WNT7B: variants seen among roughly 807,000 people sequenced by gnomAD.
WNT7B encodes the protein Wnt family member 7B, also known as protein Wnt-7b.
A neutral mutation model predicts 38.2 loss-of-function variants in WNT7B; 19 were observed. The ratio of observed to expected loss-of-function variants is 0.50; its 90% CI spans 0.35 to 0.73. WNT7B has a LOEUF of 0.73. WNT7B is among the 30% of genes least tolerant of loss of function. The pLI is 0.01. For synonymous variants in WNT7B, 243 were observed against 209.3 expected, an observed-to-expected ratio of 1.16 and a Z score of -1.39; for missense variants, 423 against 507.9, an observed-to-expected ratio of 0.83 and a Z score of 1.61.
chr22:45,951,837 A>C lies in WNT7B; in HGVS notation c.72-1691T>G, dbSNP rs1931940635. The stretch of plus-strand genomic sequence containing the variant: ...TTGGACTACTGTGAGTGATGCCGCC[A>C]TGAACGTGCGGGTAAGGTTTCTGTT... On this transcript the variant is annotated intron_variant, in intron 1 of 3. Coordinates refer to ENST00000339464, the MANE Select transcript of WNT7B (RefSeq NM_058238.3). The surrounding 1 kb of genome is among the most constrained non-coding windows in gnomAD (Gnocchi z 4.8). 6.6e-6 allele frequency among the ~76,000 whole-genome samples: 1 copy of C among 152,200 alleles called. No homozygotes were observed. The highest frequency in any genetic ancestry group is 6.5e-5 in the Admixed American group (1 of 15,290).
intron 2 of WNT7B, among the ~76,000 whole-genome samples, chr22:45,934,558 C>T (rs1931464234): frequency 6.6e-6 from 1 of 152,318 alleles, no homozygotes; most frequent in African/African-American, 2.4e-5. Flanking sequence ...TGACCCTCCT[C>T]TTCCTGCCCC....
rs1932465473 is a variant in WNT7B at position 45,972,326 on chromosome 22, G to A, written c.71+4358C>T. 6 of 439,088 alleles carry A rather than the reference G, an allele frequency of 1.4e-5. No homozygotes were observed. In the Admixed American group the frequency reaches 1.4e-4, roughly 10 times the overall value. 27.2% of individuals were successfully genotyped at this position (439,088 alleles called of 1,614,324 possible). ...GGCCGGGGTCCCCGCGGAGCTCCCCGATGCAGGGCGGCGGCGCTGGGCGCT... is the reference window on the plus strand; with the variant it reads ...GGCCGGGGTCCCCGCGGAGCTCCCCAATGCAGGGCGGCGGCGCTGGGCGCT... On this transcript the variant is annotated intron_variant, in intron 1 of 3. Coordinates refer to ENST00000339464, the MANE Select transcript of WNT7B (RefSeq NM_058238.3).
intron 1 of WNT7B, among the ~76,000 whole-genome samples, chr22:45,972,896 G>A (rs912151891): frequency 2.6e-5 from 4 of 152,254 alleles, no homozygotes; most frequent in African/African-American, 9.6e-5. Flanking sequence ...GCGGGAGCGT[G>A]GGCAGTCTGT....
chr22:45,934,040 G>A (rs926890484), intron 2 of WNT7B, among the ~76,000 whole-genome samples: 3 of 152,352 alleles, frequency 2.0e-5, no homozygotes, highest in African/African-American at 4.8e-5. Context: ...CTCCACATGC[G>A]CCGGGCGCAC....
At chr22:45,959,726 C>T (rs1932153378) in intron 1 of WNT7B, among the ~76,000 whole-genome samples, 1 of 152,170 alleles carries the variant, frequency 6.6e-6, no homozygotes, top group Non-Finnish European at 1.5e-5. Context: ...CTGGACTGGA[C>T]ACCGGCTCCC....
In WNT7B at chr22:45,976,880, G is replaced by T; in HGVS notation, c.-126C>A. ...CTCAGCCCGCGCTGCGGCTCGGGCG[G>T]CCGGCGACGCGCGGGCACTCGGCGC... is the stretch of plus-strand genomic sequence containing the variant. On this transcript the variant is annotated 5_prime_UTR_variant, in exon 1 of 4. Transcript: ENST00000339464. The surrounding 1 kb of genome is among the most constrained non-coding windows in gnomAD (Gnocchi z 8.5). 1 of 1,014,658 alleles carries T rather than the reference G, an allele frequency of 9.9e-7. No individual in the cohort carries two copies. The highest frequency in any genetic ancestry group is 1.7e-5 in the African/African-American group (1 of 57,472). The allele number at this position is 1,014,658 out of a possible 1,614,324, so 62.9% of individuals were successfully genotyped here. A position where few individuals can be genotyped will look rare whatever the true frequency, so the allele number is the denominator to read the frequency against.
rs750321431 is a variant in WNT7B, at chr22:45,931,203, G to A, written c.465C>T (p.Asp155=). The change falls in exon 3 of 4, where the codon GAC becomes GAT. Residue 155 remains aspartate, a synonymous_variant. Transcript: ENST00000339464. ...EGWKWGGCSA[D]VRYGIDFSRR... is the part of the protein sequence containing the mutation. Reference sequence around the variant, plus strand: ...GGGAGAAGTCGATGCCGTAACGCACGTCGGCCGAGCAGCCGCCCCACTTCC... The same window carrying A: ...GGGAGAAGTCGATGCCGTAACGCACATCGGCCGAGCAGCCGCCCCACTTCC... 17 of 1,599,292 alleles carry A rather than the reference G, an allele frequency of 1.1e-5. No individual in the cohort carries two copies. Among genetic ancestry groups the A allele is most frequent in the South Asian group, 5.5e-5 (5 of 91,074 alleles).
At chr22:45,950,220 C>G (rs1931900229) in intron 1 of WNT7B, 74 bp from the exon 2 acceptor site, 3 of 1,309,620 alleles carry the variant, frequency 2.3e-6, no homozygotes, top group East Asian at 2.5e-5. Context: ...CACCTTTCCC[C>G]CACTCAGCCT....
Position 45,977,058 on chromosome 22 carries a change from G to T in WNT7B, c.-304C>A, listed in dbSNP as rs1365293893. Reference sequence around the variant, plus strand: ...GCCGGGGGCCCGGGCGCGGCTGGCGGGCGGGTGCAGCCTGCACTAGGCGCA... The same window carrying T: ...GCCGGGGGCCCGGGCGCGGCTGGCGTGCGGGTGCAGCCTGCACTAGGCGCA... On this transcript the variant is annotated 5_prime_UTR_variant, in exon 1 of 4. Transcript: ENST00000339464. 1 of 978,108 alleles carries T rather than the reference G, an allele frequency of 1.0e-6. No homozygotes were observed. Among genetic ancestry groups the T allele is most frequent in the Non-Finnish European group, 1.2e-6 (1 of 823,888 alleles). The allele number at this position is 978,108 out of a possible 1,614,324, so 60.6% of individuals were successfully genotyped here. A position where few individuals can be genotyped will look rare whatever the true frequency, so the allele number is the denominator to read the frequency against.
At position 45,953,199 on chromosome 22, in the gene WNT7B, T is replaced by TGGCTTCCCCTCACAGTCACCGTGTCCTC. The variant is rs1476012244; in HGVS notation, c.72-3081_72-3054dup. Among the ~76,000 whole-genome samples the TGGCTTCCCCTCACAGTCACCGTGTCCTC allele has an allele frequency of 4.6e-4, 23 of 50,160 alleles. 1 individual carries two copies. The highest frequency in any genetic ancestry group is 3.4e-3 in the African/African-American group (21 of 6,200). The allele number at this position is 50,160 out of a possible 152,430, so 32.9% of individuals were successfully genotyped here. A position where few individuals can be genotyped will look rare whatever the true frequency, so the allele number is the denominator to read the frequency against. Reference sequence around the variant, plus strand: ...CCCTCACAGCCACCGTGTCCGTGCCTGGCTTCCCCTCACAGTCACCGTGTC... The same window carrying TGGCTTCCCCTCACAGTCACCGTGTCCTC: ...CCCTCACAGCCACCGTGTCCGTGCCTGGCTTCCCCTCACAGTCACCGTGTCCTCGGCTTCCCCTCACAGTCACCGTGTC... On this transcript the variant is annotated intron_variant, in intron 1 of 3. Coordinates refer to ENST00000339464, the MANE Select transcript of WNT7B (RefSeq NM_058238.3).
intron 2 of WNT7B, among the ~76,000 whole-genome samples, chr22:45,943,503 C>T (rs1170004869): frequency 1.3e-5 from 2 of 152,218 alleles, no homozygotes; most frequent in Admixed American, 1.3e-4. Context: ...GAGGCCCCTC[C>T]TGTGTCCAGC....
chr22:45,969,486 C>T (rs914978283), intron 1 of WNT7B, among the ~76,000 whole-genome samples: 1 of 152,258 alleles, frequency 6.6e-6, no homozygotes, highest in Non-Finnish European at 1.5e-5. Flanking sequence ...CCTACCTGCC[C>T]TCCCTTGGGC....
intron 2 of WNT7B, among the ~76,000 whole-genome samples, chr22:45,936,617 C>T (rs930463520): frequency 8.5e-5 from 13 of 152,272 alleles, no homozygotes; most frequent in Non-Finnish European, 1.6e-4. Flanking sequence ...TCAAAGGACC[C>T]CCTGGCTGGG....
chr22:45,952,517 C>T (rs1931957494), intron 1 of WNT7B, among the ~76,000 whole-genome samples: 1 of 152,150 alleles, frequency 6.6e-6, no homozygotes, highest in Non-Finnish European at 1.5e-5. Context: ...ATTGTAGATC[C>T]TCGGAAAACC....
rs1360763712 is a variant in WNT7B, at chr22:45,975,765, T to G, written c.71+919A>C. 8.2e-6 allele frequency: 3 copies of G among 366,198 alleles called. No homozygotes were observed. The highest frequency in any genetic ancestry group is 6.5e-5 in the African/African-American group (3 of 46,414). The allele number at this position is 366,198 out of a possible 1,614,324, so 22.7% of individuals were successfully genotyped here. A position where few individuals can be genotyped will look rare whatever the true frequency, so the allele number is the denominator to read the frequency against. ...CGCGCAGGGCGCGGCGGGGCCCGGG[T>G]CCCCGCAGGTGCGAGGAGCGCGGGG... On this transcript the variant is annotated intron_variant, in intron 1 of 3. Coordinates refer to ENST00000339464, the MANE Select transcript of WNT7B (RefSeq NM_058238.3). This position sits in a 1 kb window ranked among gnomAD's most constrained non-coding sequence, Gnocchi z 6.6.
At chr22:45,942,275 G>C (rs1371799142) in intron 2 of WNT7B, among the ~76,000 whole-genome samples, 4 of 152,228 alleles carry the variant, frequency 2.6e-5, no homozygotes, top group African/African-American at 9.6e-5. Context: ...GGGCACAGAA[G>C]CTGGAAGAGA....
At chr22:45,928,992 G>A (rs1008135917) in intron 3 of WNT7B, among the ~76,000 whole-genome samples, 26 of 151,638 alleles carry the variant, frequency 1.7e-4, no homozygotes, top group Non-Finnish European at 7.4e-5. Flanking sequence ...AGCCTCCAGA[G>A]CCACTCATCC....
chr22:45,964,123 C>T (rs1367806221), intron 1 of WNT7B, among the ~76,000 whole-genome samples: 1 of 152,034 alleles, frequency 6.6e-6, no homozygotes, highest in Non-Finnish European at 1.5e-5. Flanking sequence ...CCCACAGGTC[C>T]CCAGGCCCTG....
intron 3 of WNT7B, among the ~76,000 whole-genome samples, chr22:45,929,864 C>A (rs78551255): frequency 6.6e-6 from 1 of 150,538 alleles, no homozygotes; most frequent in African/African-American, 2.5e-5. Flanking sequence ...ATCCTTCCAT[C>A]CATCCATCCA....
Sources: gnomAD v4.1 joint callset for allele counts (sites outside exome capture counted in the v4.1 genomes callset) on GRCh38, gnomAD v4.1.1 for gene constraint, Gnocchi (gnomAD v3.1) non-coding constraint, MANE v1.5 for transcripts, NCBI Gene and HGNC (gene_info 2026-07-23, HGNC 2026-07-21) for gene names.